Variants in CDH13 observed in about 807,000 individuals in gnomAD.
The protein encoded by CDH13 is cadherin 13.
Under a neutral mutation model 63.8 loss-of-function variants are expected in CDH13, and 24 were observed. The observed-to-expected ratio is 0.38, with a 90% CI of 0.27 to 0.53. CDH13 has a LOEUF of 0.53. CDH13 is among the 20% of genes least tolerant of loss of function. CDH13 has a pLI of 0.85. For synonymous variants in CDH13, 503 were observed against 355.3 expected (o/e 1.42, Z -4.67); for missense variants, 1,049 against 903.1 (o/e 1.16, Z -2.07).
chr16:82,765,547 A>G (rs1381413397), intron 1 of CDH13, among the ~76,000 whole-genome samples: 1 of 152,318 alleles, frequency 6.6e-6, no homozygotes, highest in South Asian at 2.1e-4. Context: ...TGATGCTGCT[A>G]TCAATGGGGA....
chr16:83,209,621 C>T (rs2039282020), intron 4 of CDH13, among the ~76,000 whole-genome samples: 1 of 152,106 alleles, frequency 6.6e-6, no homozygotes, highest in Non-Finnish European at 1.5e-5. Flanking sequence ...TAAAGTTGTA[C>T]TTCTTCACTC....
rs867675483 is a variant in CDH13 at position 83,486,612 on chromosome 16, G to C, written c.917G>C (p.Gly306Ala). ...ATGTTCTACATCGATCCTGAGAAAG[G>C]AGACATTGTCACTGTTGTGTCACCT... is the stretch of plus-strand genomic sequence containing the variant. ...PNMFYIDPEK[G>A]DIVTVVSPAL... The change falls in exon 7 of 14, where the codon GGA becomes GCA. Residue 306 changes from glycine (G) to alanine (A), a missense_variant. Physicochemically the swap from Gly to Ala is moderately conservative, Grantham distance 60. Transcript: ENST00000567109. 1 of 1,613,954 alleles carries C rather than the reference G, an allele frequency of 6.2e-7. No homozygotes were observed. Among genetic ancestry groups the C allele is most frequent in the South Asian group, 1.1e-5 (1 of 91,074 alleles).
chr16:83,238,223 T>TA (rs11423173), intron 5 of CDH13, among the ~76,000 whole-genome samples: 115,804 of 149,476 alleles, frequency 0.77, 45,929 homozygotes, highest in East Asian at 0.99. Context: ...GTAATTCATT[T>TA]AAAAAAAAAA....
At chr16:83,672,825 A>G (rs914474197) in intron 9 of CDH13, among the ~76,000 whole-genome samples, 24 of 152,120 alleles carry the variant, frequency 1.6e-4, no homozygotes, top group Non-Finnish European at 1.2e-4. Flanking sequence ...TATTTACCCA[A>G]GTTTTATCTT....
chr16:83,259,661 T>A (rs931469388), intron 5 of CDH13, among the ~76,000 whole-genome samples: 1 of 152,206 alleles, frequency 6.6e-6, no homozygotes, highest in Non-Finnish European at 1.5e-5. Flanking sequence ...ATTTTATTAT[T>A]ATACAGTAAG....
intron 6 of CDH13, among the ~76,000 whole-genome samples, chr16:83,349,093 T>C (rs2090898718): frequency 6.6e-6 from 1 of 152,326 alleles, no homozygotes; most frequent in South Asian, 2.1e-4. Context: ...AGCACTGAAC[T>C]CCGGGGTATT....
intron 2 of CDH13, among the ~76,000 whole-genome samples, chr16:82,916,998 T>C (rs971404004): frequency 6.6e-6 from 1 of 152,194 alleles, no homozygotes; most frequent in Non-Finnish European, 1.5e-5. Context: ...CTCACACAGC[T>C]ACTCACTGTA....
rs529361079 is a variant in CDH13 at position 82,821,760 on chromosome 16, A to G, written c.46-36602A>G. 8.5e-5 allele frequency among the ~76,000 whole-genome samples: 13 copies of G among 152,346 alleles called. No homozygotes were observed. The East Asian group carries it at 2.3e-3, about 27-fold the overall frequency. ...GGGATGGTCATTGAGGGCTCCCCTA[A>G]AAATAAATACTTGCTCTGAACCTCA... On this transcript the variant is annotated intron_variant, in intron 1 of 13. Coordinates refer to ENST00000567109, the MANE Select transcript of CDH13 (RefSeq NM_001257.5).
At chr16:83,560,453 T>G (rs1414429144) in intron 7 of CDH13, among the ~76,000 whole-genome samples, 1 of 152,168 alleles carries the variant, frequency 6.6e-6, no homozygotes, top group Non-Finnish European at 1.5e-5. Flanking sequence ...TTACCACATA[T>G]GCAGTGAATC....
intron 5 of CDH13, among the ~76,000 whole-genome samples, chr16:83,238,652 G>T (rs1904285953): frequency 1.3e-5 from 2 of 152,292 alleles, no homozygotes; most frequent in African/African-American, 2.4e-5. Flanking sequence ...GACTGGATTG[G>T]CAGGGGAGAT....
At chr16:83,633,806 G>C (rs1277525480) in intron 8 of CDH13, among the ~76,000 whole-genome samples, 3 of 152,150 alleles carry the variant, frequency 2.0e-5, no homozygotes, top group Non-Finnish European at 4.4e-5. Flanking sequence ...CAAGTGCAAA[G>C]TAGATTCCAT....
At chr16:82,773,089 C>T (rs566107939) in intron 1 of CDH13, among the ~76,000 whole-genome samples, 1 of 152,210 alleles carries the variant, frequency 6.6e-6, no homozygotes, top group Non-Finnish European at 1.5e-5. Flanking sequence ...TCTGGATACA[C>T]TCCTTTCATC....
chr16:83,754,630 C>G (rs567963147), intron 11 of CDH13, among the ~76,000 whole-genome samples: 1 of 152,246 alleles, frequency 6.6e-6, no homozygotes, highest in East Asian at 1.9e-4. Context: ...GAATAAGTCT[C>G]ATGAGATCTG....
intron 2 of CDH13, among the ~76,000 whole-genome samples, chr16:82,866,421 C>G (rs1207715152): frequency 4.3e-5 from 4 of 93,328 alleles, no homozygotes; most frequent in African/African-American, 1.7e-4. Flanking sequence ...TGGAGTCTCA[C>G]TTTGTCGCCC....
intron 6 of CDH13, among the ~76,000 whole-genome samples, chr16:83,401,947 G>C (rs1430185364): frequency 1.3e-5 from 2 of 152,160 alleles, no homozygotes; most frequent in Non-Finnish European, 2.9e-5. Context: ...TCCAGAGCTT[G>C]AGGTCTTGAG....
intron 2 of CDH13, among the ~76,000 whole-genome samples, chr16:82,948,818 C>T (rs1905006796): frequency 6.6e-6 from 1 of 152,090 alleles, no homozygotes; most frequent in Non-Finnish European, 1.5e-5. Flanking sequence ...AACCAATGTT[C>T]AAATATGATT....
chr16:83,030,585 G>C (rs1916211989), intron 2 of CDH13, among the ~76,000 whole-genome samples: 1 of 142,346 alleles, frequency 7.0e-6, no homozygotes, highest in African/African-American at 2.6e-5. Context: ...AGAGGCTGCA[G>C]TCAGCCAAGA....
At chr16:82,906,725 T>G (rs911848966) in intron 2 of CDH13, among the ~76,000 whole-genome samples, 5 of 152,194 alleles carry the variant, frequency 3.3e-5, no homozygotes, top group Admixed American at 2.6e-4. Context: ...TCGGCAGGGC[T>G]GTACTCCCTC....
At chr16:82,987,597 A>C (rs1911107659) in intron 2 of CDH13, among the ~76,000 whole-genome samples, 1 of 152,142 alleles carries the variant, frequency 6.6e-6, no homozygotes, top group South Asian at 2.1e-4. Flanking sequence ...GGCTGGTCTC[A>C]AACTCCTGAC....
Sources: allele counts gnomAD v4.1 joint callset (sites outside exome capture counted in the v4.1 genomes callset), GRCh38; gene constraint gnomAD v4.1.1; transcripts MANE v1.5; gene names NCBI Gene and HGNC (gene_info 2026-07-23, HGNC 2026-07-21).